The following MSRA variants were observed in gnomAD, a reference collection of about 807,000 sequenced individuals.
The protein encoded by MSRA is methionine sulfoxide reductase A, also known as mitochondrial peptide methionine sulfoxide reductase.
MSRA carries 54 observed loss-of-function variants against 31.3 expected under a neutral mutation model. The ratio of observed to expected loss-of-function variants is 1.73; its 90% confidence interval spans 1.39 to 2.17. MSRA has a LOEUF of 2.17. MSRA is among the 30% of genes most tolerant of loss of function. The pLI is 0.00. For synonymous variants in MSRA, 169 were observed against 116.5 expected (o/e 1.45, Z -2.90); for missense variants, 507 against 300.9 (o/e 1.69, Z -5.07).
chr8:10,163,205 A>G (rs1804816949), intron 1 of MSRA, among the ~76,000 whole-genome samples: 1 of 152,154 alleles, frequency 6.6e-6, no homozygotes, highest in South Asian at 2.1e-4. Context: ...ACCATGAGAA[A>G]TACACTTGTG....
At chr8:10,248,900 G>A (rs1329137822) in intron 3 of MSRA, among the ~76,000 whole-genome samples, 1 of 152,212 alleles carries the variant, frequency 6.6e-6, no homozygotes, top group Non-Finnish European at 1.5e-5. Context: ...TATAAAATCA[G>A]CCTGCTCTGA....
At chr8:10,123,640 G>T (rs1047438360) in intron 1 of MSRA, among the ~76,000 whole-genome samples, 1 of 152,038 alleles carries the variant, frequency 6.6e-6, no homozygotes, top group Non-Finnish European at 1.5e-5. Flanking sequence ...AGTTTTTATA[G>T]TTTTGAGGTT....
chr8:10,208,194 T>C (rs1809167113), intron 2 of MSRA, among the ~76,000 whole-genome samples: 1 of 151,986 alleles, frequency 6.6e-6, no homozygotes, highest in Admixed American at 6.5e-5. Flanking sequence ...GGTTTGAGTT[T>C]TTCTTTGCTA....
At chr8:10,211,780 TAATG>T in intron 2 of MSRA, among the ~76,000 whole-genome samples, 1 of 152,130 alleles carries the variant, frequency 6.6e-6, no homozygotes, top group East Asian at 1.9e-4. Context: ...GTCAATATCT[TAATG>T]AAAGTGACAT....
At chr8:10,122,532 G>GTT (rs567032515) in intron 1 of MSRA, among the ~76,000 whole-genome samples, 5 of 147,612 alleles carry the variant, frequency 3.4e-5, no homozygotes, top group African/African-American at 7.4e-5. Context: ...ATTTTTTTGT[G>GTT]TTTTTTTTTT....
intron 1 of MSRA, among the ~76,000 whole-genome samples, chr8:10,144,647 G>A (rs1340543224): frequency 7.6e-6 from 1 of 131,760 alleles, no homozygotes; most frequent in Non-Finnish European, 1.6e-5. Context: ...TCTCTGCAAT[G>A]TGCCCAACCC....
At chr8:10,403,559 G>A (rs1006025256) in intron 5 of MSRA, among the ~76,000 whole-genome samples, 3 of 152,180 alleles carry the variant, frequency 2.0e-5, no homozygotes, top group Admixed American at 1.3e-4. Flanking sequence ...CCGCGGCACT[G>A]AAGAGGAAGG....
intron 2 of MSRA, among the ~76,000 whole-genome samples, chr8:10,237,177 G>C (rs1201948644): frequency 6.6e-6 from 1 of 152,220 alleles, no homozygotes; most frequent in African/African-American, 2.4e-5. Context: ...CCTCTGCTAA[G>C]AGGAAACAAT....
At chr8:10,255,721 G>T (rs1350268397) in intron 3 of MSRA, among the ~76,000 whole-genome samples, 7 of 151,752 alleles carry the variant, frequency 4.6e-5, no homozygotes, top group African/African-American at 1.5e-4. Flanking sequence ...TGAGAGTCAG[G>T]TCGTAAAATG....
At chr8:10,298,588 A>T (rs560315960) in intron 3 of MSRA, among the ~76,000 whole-genome samples, 1 of 151,472 alleles carries the variant, frequency 6.6e-6, no homozygotes, top group Non-Finnish European at 1.5e-5. Context: ...ACTTAATCTG[A>T]TGGTAAATTT....
intron 3 of MSRA, among the ~76,000 whole-genome samples, chr8:10,283,995 C>A (rs898570321): frequency 5.9e-5 from 9 of 151,534 alleles, no homozygotes; most frequent in African/African-American, 1.9e-4. Flanking sequence ...ATTATGACTT[C>A]TTTTCCTCTT....
At chr8:10,258,713 A>G (rs1480164500) in intron 3 of MSRA, among the ~76,000 whole-genome samples, 2 of 151,974 alleles carry the variant, frequency 1.3e-5, no homozygotes, top group Non-Finnish European at 2.9e-5. Context: ...CCACGTGGCA[A>G]CTCTTCCCTG....
At chr8:10,345,710 G>C (rs754794915) in intron 5 of MSRA, among the ~76,000 whole-genome samples, 1 of 152,172 alleles carries the variant, frequency 6.6e-6, no homozygotes, top group Non-Finnish European at 1.5e-5. Flanking sequence ...TGAGAAGTGC[G>C]TTATTCGGGT....
At chr8:10,074,428 T>G (rs955610130) in intron 1 of MSRA, among the ~76,000 whole-genome samples, 20 of 152,000 alleles carry the variant, frequency 1.3e-4, no homozygotes, top group African/African-American at 4.6e-4. Flanking sequence ...GTTTGTTGCT[T>G]TCACTGAAAA....
chr8:10,418,567 G>A (rs1186547980), intron 5 of MSRA, among the ~76,000 whole-genome samples: 3 of 152,102 alleles, frequency 2.0e-5, no homozygotes, highest in East Asian at 3.9e-4. Context: ...TTGATTGTGA[G>A]TTTATCTGGG....
rs578074430 is a variant in MSRA at position 10,212,142 on chromosome 8, G to A, written c.211+4241G>A. ...GCGGAGGTTGCAGTGAGCCGAGATCGCGCCACTGCACTCCAGCCTAGGTAA... is the reference window on the plus strand; with the variant it reads ...GCGGAGGTTGCAGTGAGCCGAGATCACGCCACTGCACTCCAGCCTAGGTAA... On this transcript the variant is annotated intron_variant, in intron 2 of 5. Coordinates refer to ENST00000317173, the MANE Select transcript of MSRA (RefSeq NM_012331.5). Among the ~76,000 whole-genome samples the A allele has an allele frequency of 9.5e-4, 144 of 151,768 alleles. 1 individual carries two copies. Among genetic ancestry groups the A allele is most frequent in the Admixed American group, 6.9e-3 (105 of 15,228 alleles).
At chr8:10,407,121 C>T (rs1305263552) in intron 5 of MSRA, among the ~76,000 whole-genome samples, 5 of 152,236 alleles carry the variant, frequency 3.3e-5, no homozygotes, top group African/African-American at 1.2e-4. Flanking sequence ...AAGTGATCTT[C>T]CCGCCTCGGC....
At chr8:10,077,685 TC>T (rs1798064317) in intron 1 of MSRA, among the ~76,000 whole-genome samples, 1 of 151,968 alleles carries the variant, frequency 6.6e-6, no homozygotes, top group Admixed American at 6.6e-5. Flanking sequence ...CCCTCACTCT[TC>T]CCTCCCTCGC....
chr8:10,097,717 A>C (rs1799270408), intron 1 of MSRA, among the ~76,000 whole-genome samples: 1 of 152,182 alleles, frequency 6.6e-6, no homozygotes, highest in Non-Finnish European at 1.5e-5. Flanking sequence ...CAGCGAACTC[A>C]GAACAAACTT....
Sources: gnomAD v4.1 joint callset for allele counts (sites outside exome capture counted in the v4.1 genomes callset) on GRCh38, gnomAD v4.1.1 for gene constraint, MANE v1.5 for transcripts, NCBI Gene and HGNC (gene_info 2026-07-23, HGNC 2026-07-21) for gene names.